DNAJC9: variants seen among roughly 807,000 people sequenced by gnomAD.
DNAJC9 encodes dnaJ homolog subfamily C member 9.
DNAJC9 carries 18 observed loss-of-function variants against 32.4 expected under a neutral mutation model. The observed-to-expected ratio is 0.56, with a 90% CI of 0.38 to 0.82. The LOEUF is 0.82. Ranked by LOEUF, DNAJC9 falls within the 40% of genes least tolerant of loss-of-function variation. The pLI, the probability that DNAJC9 is intolerant of heterozygous loss-of-function variation, is 0.00. For missense variants in DNAJC9, 310 were observed against 321.8 expected (o/e 0.96, Z 0.28); for synonymous variants, 113 against 122.1 (o/e 0.93, Z 0.49).
At chr10:73,246,962 G>C (rs769041207) in intron 1 of DNAJC9, 48 bp downstream of exon 1, 1 of 1,553,920 alleles carries the variant, frequency 6.4e-7, no homozygotes, top group African/African-American at 1.4e-5. Flanking sequence ...CAAAAGGCTA[G>C]GGGGAGGCCC....
intron 3 of DNAJC9, chr10:73,244,256 G>C (rs776422620): frequency 5.4e-5 from 13 of 242,732 alleles, no homozygotes; most frequent in Non-Finnish European, 9.5e-5. Context: ...CATACCTTGG[G>C]AGGCCAAGGT....
Position 73,243,832 on chromosome 10 carries a change from G to A in DNAJC9, c.663+11C>T. The A allele has an allele frequency of 1.1e-5, 18 of 1,608,180 alleles. No homozygotes were observed. The highest frequency in any genetic ancestry group is 1.5e-5 in the Non-Finnish European group (18 of 1,177,332). ...ATCATTAAAGATGTGGCAACAAACT[G>A]CCAAGTTTACCTGAATGGCTGCCTT... On this transcript the variant is annotated intron_variant, in intron 4 of 4. Coordinates refer to ENST00000372950, the MANE Select transcript of DNAJC9 (RefSeq NM_015190.5).
In DNAJC9 at chr10:73,247,195, G is replaced by T; in HGVS notation, c.-6C>A. On this transcript the variant is annotated 5_prime_UTR_variant, in exon 1 of 5. Transcript: ENST00000372950. ...CAAAGGTCCAGCAGCCCCATGCCGG[G>T]CGGAGATACGACCCCGGAGGAAGCA... 1 of 1,586,664 alleles carries T rather than the reference G, an allele frequency of 6.3e-7. No homozygotes were observed. The highest frequency in any genetic ancestry group is 1.8e-5 in the Admixed American group (1 of 56,604).
At chr10:73,243,562 T>C (rs1377484553) in intron 4 of DNAJC9, 43 bp from the exon 5 acceptor site, 15 of 1,611,772 alleles carry the variant, frequency 9.3e-6, no homozygotes, top group African/African-American at 4.0e-5. Context: ...ACATTATCCA[T>C]AGACAGAAAG....
chr10:73,233,119 T>A, intron 2 of DNAJC9: 1 of 1,551,808 alleles, frequency 6.4e-7, no homozygotes, highest in Non-Finnish European at 8.7e-7. Flanking sequence ...ATTCATGTGC[T>A]GAAACACCAA....
chr10:73,245,529 T>C (rs939544509), intron 3 of DNAJC9, among the ~76,000 whole-genome samples: 1 of 152,140 alleles, frequency 6.6e-6, no homozygotes, highest in South Asian at 2.1e-4. Flanking sequence ...ACATCTGCAC[T>C]TTTAACAAGA....
downstream of DNAJC9, chr10:73,241,031 A>G (rs1051301537): frequency 6.9e-7 from 1 of 1,441,500 alleles, no homozygotes; most frequent in African/African-American, 1.5e-5. Flanking sequence ...GCAAATGAGA[A>G]GAATCTATCA....
Position 73,246,916 on chromosome 10 carries a change from A to C in DNAJC9, c.181-88T>G, listed in dbSNP as rs926435282. On this transcript the variant is annotated intron_variant, in intron 1 of 4. Transcript: ENST00000372950. ...ATAAAGATCAGAAGGCGCCAAGCGG[A>C]GCTCAGCGCGCTCCCCCGGGGCGGG... 52 of 1,593,770 alleles carry C rather than the reference A, an allele frequency of 3.3e-5. No homozygotes were observed. In the Middle Eastern group the frequency reaches 9.2e-4, roughly 28 times the overall value.
chr10:73,243,800 G>A (rs1258810566), intron 4 of DNAJC9, 43 bp downstream of exon 4: 2 of 1,512,422 alleles, frequency 1.3e-6, no homozygotes, highest in African/African-American at 1.4e-5. Context: ...TTAGCAGTAG[G>A]AATCAGATCA....
downstream of DNAJC9, chr10:73,238,678 C>T (rs1589198463): frequency 6.6e-6 from 1 of 152,316 alleles, no homozygotes; most frequent in Non-Finnish European, 1.5e-5. Flanking sequence ...ATAGGGGCTT[C>T]ACCAGAAAAA....
Position 73,232,948 on chromosome 10 carries a change from T to A in DNAJC9, n.147+10895A>T, listed in dbSNP as rs1461891911. ...CTGATTTGGCTACTAGAGATCTTGATGACAAGCTACTTATGAGGCCTGGGT... is the reference window on the plus strand; with the variant it reads ...CTGATTTGGCTACTAGAGATCTTGAAGACAAGCTACTTATGAGGCCTGGGT... On this transcript the variant is annotated intron_variant and non_coding_transcript_variant, in intron 2 of 2. Coordinates refer to the DNAJC9 transcript ENST00000469143. 12 of 1,546,654 alleles carry A rather than the reference T, an allele frequency of 7.8e-6. No individual in the cohort carries two copies. The Admixed American group carries it at 2.2e-4, about 28-fold the overall frequency.
At chr10:73,235,221 A>T (rs1354817586), downstream of DNAJC9, 1 of 1,551,638 alleles carries the variant, frequency 6.4e-7, no homozygotes, top group African/African-American at 1.4e-5. Flanking sequence ...AGTCGAGCTC[A>T]AAGTGCGGTG....
chr10:73,237,843 C>T (rs1275874780), downstream of DNAJC9, among the ~76,000 whole-genome samples: 1 of 152,166 alleles, frequency 6.6e-6, no homozygotes, highest in Non-Finnish European at 1.5e-5. Context: ...CCCACCGCAG[C>T]CTCCCAAGTA....
downstream of DNAJC9, chr10:73,234,787 T>C: frequency 5.8e-6 from 9 of 1,550,016 alleles, no homozygotes; most frequent in Non-Finnish European, 7.8e-6. Context: ...CATGCTTTCA[T>C]ACCTTCGTGT....
chr10:73,234,831 A>G (rs958765363), downstream of DNAJC9: 2 of 1,551,178 alleles, frequency 1.3e-6, no homozygotes, highest in Admixed American at 2.0e-5. Flanking sequence ...GTGGCACCCG[A>G]CTCGCTCTCC....
chr10:73,246,820 T>C lies in DNAJC9; in HGVS notation c.189A>G (p.Gly63=), dbSNP rs1314566893. The C allele has an allele frequency of 1.9e-6, 3 of 1,613,984 alleles. No individual in the cohort carries two copies. Among genetic ancestry groups the C allele is most frequent in the South Asian group, 1.1e-5 (1 of 91,084 alleles). Residue 63 remains glycine, a synonymous_variant, in exon 2 of 5, where the codon GGA becomes GGG. Coordinates refer to ENST00000372950, the MANE Select transcript of DNAJC9 (RefSeq NM_015190.5). ...TGTCACTGAGAACGGAATAGACTTTTCCCAGGATCTGAGGGCAAAGAGTAT... is the reference window on the plus strand; with the variant it reads ...TGTCACTGAGAACGGAATAGACTTTCCCCAGGATCTGAGGGCAAAGAGTAT... ...EDATRRFQIL[G]KVYSVLSDRE... is the part of the protein sequence containing the mutation.
chr10:73,246,609 A>G, intron 2 of DNAJC9, 79 bp downstream of exon 2: 1 of 1,499,388 alleles, frequency 6.7e-7, no homozygotes, highest in Non-Finnish European at 9.1e-7. Context: ...CACAAAATAC[A>G]AGATCTTAGA....
chr10:73,234,673 A>G, downstream of DNAJC9: 1 of 873,334 alleles, frequency 1.1e-6, no homozygotes, highest in African/African-American at 1.7e-5. Context: ...AAATCCTGAG[A>G]TCTCTACTTG....
chr10:73,243,986 C>A, intron 3 of DNAJC9, 57 bp from the exon 4 acceptor site: 1 of 1,407,936 alleles, frequency 7.1e-7, no homozygotes, highest in Non-Finnish European at 9.9e-7. Context: ...AAAATACATA[C>A]TCTTTCCCAA....
Sources: allele counts gnomAD v4.1 joint callset (sites outside exome capture counted in the v4.1 genomes callset), GRCh38; gene constraint gnomAD v4.1.1; transcripts MANE v1.5; gene names NCBI Gene and HGNC (gene_info 2026-07-23, HGNC 2026-07-21).